The following LDLRAD3 variants were observed in gnomAD, a reference collection of about 807,000 sequenced individuals.
LDLRAD3 encodes the protein low-density lipoprotein receptor class A domain-containing protein 3.
Under a neutral mutation model 29.4 loss-of-function variants are expected in LDLRAD3, and 20 were observed. The ratio of observed to expected loss-of-function variants is 0.68; its 90% CI spans 0.48 to 0.99. LDLRAD3 has a LOEUF of 0.99. Ranked by LOEUF, LDLRAD3 falls within the 50% of genes least tolerant of loss-of-function variation. The pLI is 0.00. For synonymous variants in LDLRAD3, 157 were observed against 192.7 expected (o/e 0.81, Z 1.53); for missense variants, 420 against 454.3 (o/e 0.92, Z 0.69).
intron 4 of LDLRAD3, among the ~76,000 whole-genome samples, chr11:36,169,517 G>A (rs1388268572): frequency 6.6e-6 from 1 of 152,040 alleles, no homozygotes; most frequent in East Asian, 1.9e-4. Flanking sequence ...ATTTTGTTTA[G>A]CTCCCACATG....
At chr11:36,035,474 C>T (rs1852291447) in intron 1 of LDLRAD3, among the ~76,000 whole-genome samples, 1 of 152,168 alleles carries the variant, frequency 6.6e-6, no homozygotes, top group African/African-American at 2.4e-5. Flanking sequence ...TGGTTCTCAG[C>T]TTCCAGTAAC....
At chr11:36,039,558 A>G (rs75039744) in intron 2 of LDLRAD3, among the ~76,000 whole-genome samples, 1,950 of 152,188 alleles carry the variant, frequency 0.013, 49 homozygotes, top group African/African-American at 0.045. Context: ...GCCTGTATAC[A>G]GTAAGTGGCT....
At chr11:36,135,395 G>C (rs1390661906) in intron 4 of LDLRAD3, among the ~76,000 whole-genome samples, 1 of 152,184 alleles carries the variant, frequency 6.6e-6, no homozygotes, top group African/African-American at 2.4e-5. Context: ...CCTAAGCCTT[G>C]AGGGGTGGCA....
At chr11:36,030,120 T>C (rs991004617) in intron 1 of LDLRAD3, among the ~76,000 whole-genome samples, 2 of 151,690 alleles carry the variant, frequency 1.3e-5, no homozygotes, top group African/African-American at 4.8e-5. Flanking sequence ...GCCTGAAGAG[T>C]CTAGACAGAG....
chr11:36,155,408 C>T (rs1056338855), intron 4 of LDLRAD3, among the ~76,000 whole-genome samples: 1 of 152,126 alleles, frequency 6.6e-6, no homozygotes, highest in African/African-American at 2.4e-5. Context: ...TCATCTAAAA[C>T]TTTGTTTGGA....
chr11:36,130,200 C>T (rs16928437), intron 4 of LDLRAD3, among the ~76,000 whole-genome samples: 3,634 of 152,204 alleles, frequency 0.024, 139 homozygotes, highest in African/African-American at 0.083. Context: ...GATAGTAGCA[C>T]GGTGGGCTTC....
intron 3 of LDLRAD3, among the ~76,000 whole-genome samples, chr11:36,089,813 T>TG (rs1853252515): frequency 6.6e-6 from 1 of 151,120 alleles, no homozygotes; most frequent in Non-Finnish European, 1.5e-5. Context: ...GGTCTTGCTA[T>TG]GCTGCCTTGA....
Position 35,996,835 on chromosome 11 carries a change from G to T in LDLRAD3, c.47-39268G>T, listed in dbSNP as rs571822208. On this transcript the variant is annotated intron_variant, in intron 1 of 5. Coordinates refer to ENST00000315571, the MANE Select transcript of LDLRAD3 (RefSeq NM_174902.4). The stretch of plus-strand genomic sequence containing the variant: ...TGTGCCAGCCCCTGTGCACAGTGTG[G>T]GTTGTCTCATCCAAATTCTTCCAAC... Among the ~76,000 whole-genome samples, 5 of 152,244 alleles carry T rather than the reference G, an allele frequency of 3.3e-5. No individual in the cohort carries two copies. The East Asian group carries it at 5.8e-4, about 18-fold the overall frequency.
chr11:36,145,042 G>A (rs1361820033), intron 4 of LDLRAD3, among the ~76,000 whole-genome samples: 1 of 102,734 alleles, frequency 9.7e-6, no homozygotes, highest in Admixed American at 8.8e-5. Flanking sequence ...GCCTCTGCCC[G>A]GCCGCCTCTA....
chr11:36,099,241 C>T (rs576457377), intron 4 of LDLRAD3, among the ~76,000 whole-genome samples: 31 of 152,290 alleles, frequency 2.0e-4, no homozygotes, highest in Admixed American at 1.9e-3. Context: ...GAGGAGGACA[C>T]AATGGGATAA....
At chr11:36,129,442 G>A (rs981850025) in intron 4 of LDLRAD3, among the ~76,000 whole-genome samples, 1 of 152,152 alleles carries the variant, frequency 6.6e-6, no homozygotes, top group African/African-American at 2.4e-5. Flanking sequence ...CAATATGAAA[G>A]TTGAACGAGG....
chr11:35,988,635 G>A (rs1851644316), intron 1 of LDLRAD3, among the ~76,000 whole-genome samples: 1 of 151,780 alleles, frequency 6.6e-6, no homozygotes, highest in African/African-American at 2.4e-5. Flanking sequence ...CCAGGCTGGA[G>A]TGCAGTGGTG....
Position 35,944,081 on chromosome 11 carries a change from G to A in LDLRAD3, c.-18G>A. 4.6e-6 allele frequency: 5 copies of A among 1,076,526 alleles called. No individual in the cohort carries two copies. Among genetic ancestry groups the A allele is most frequent in the Non-Finnish European group, 4.5e-6 (4 of 889,352 alleles). The allele number at this position is 1,076,526 out of a possible 1,614,324, so 66.7% of individuals were successfully genotyped here. On this transcript the variant is annotated 5_prime_UTR_variant, in exon 1 of 6. Coordinates refer to ENST00000315571, the MANE Select transcript of LDLRAD3 (RefSeq NM_174902.4). The surrounding 1 kb of genome is among the most constrained non-coding windows in gnomAD (Gnocchi z 4.9). ...GGGGGCAGCAACGACGCCGGGCAGC[G>A]GGAGCGGCGGCCGCGCCATGTGGCT...
At chr11:35,983,593 A>AT (rs1851570692) in intron 1 of LDLRAD3, among the ~76,000 whole-genome samples, 1 of 152,138 alleles carries the variant, frequency 6.6e-6, no homozygotes, top group African/African-American at 2.4e-5. Flanking sequence ...ATCTGACCTT[A>AT]TTTGGAAAAA....
At chr11:36,144,390 A>G (rs1209612242) in intron 4 of LDLRAD3, among the ~76,000 whole-genome samples, 35 of 124,158 alleles carry the variant, frequency 2.8e-4, no homozygotes, top group Admixed American at 1.3e-3. Context: ...CTGGCCGCCC[A>G]TCATCTGGGA....
chr11:36,124,627 C>CT (rs1280698826), intron 4 of LDLRAD3, among the ~76,000 whole-genome samples: 1 of 151,946 alleles, frequency 6.6e-6, no homozygotes, highest in Non-Finnish European at 1.5e-5. Context: ...TCTAACTGGT[C>CT]TTCAAGCACA....
At chr11:36,120,137 A>G (rs1007959011) in intron 4 of LDLRAD3, among the ~76,000 whole-genome samples, 1 of 152,166 alleles carries the variant, frequency 6.6e-6, no homozygotes, top group African/African-American at 2.4e-5. Context: ...AAATAAATAC[A>G]CTGCATAGAC....
chr11:36,190,225 G>A (rs1400272758), intron 4 of LDLRAD3, among the ~76,000 whole-genome samples: 2 of 152,102 alleles, frequency 1.3e-5, no homozygotes, highest in African/African-American at 4.8e-5. Flanking sequence ...TCTTTTAAAG[G>A]ACTAAACAGG....
chr11:36,158,107 A>G (rs1193467656), intron 4 of LDLRAD3, among the ~76,000 whole-genome samples: 5 of 152,038 alleles, frequency 3.3e-5, no homozygotes, highest in Non-Finnish European at 4.4e-5. Context: ...CTGACCCACT[A>G]TGTTAGTTTC....
Sources: gnomAD v4.1 joint callset for allele counts (sites outside exome capture counted in the v4.1 genomes callset) on GRCh38, gnomAD v4.1.1 for gene constraint, Gnocchi (gnomAD v3.1) non-coding constraint, MANE v1.5 for transcripts, NCBI Gene and HGNC (gene_info 2026-07-23, HGNC 2026-07-21) for gene names.